Variants in KHDRBS1 observed in about 807,000 individuals in gnomAD.
The protein encoded by KHDRBS1 is KH domain-containing, RNA-binding, signal transduction-associated protein 1.
Under a neutral mutation model 48.4 loss-of-function variants are expected in KHDRBS1, and 7 were observed. That is an observed-to-expected ratio of 0.14 (90% CI 0.08 to 0.27). The LOEUF (loss-of-function observed/expected upper bound fraction) is 0.27. Among genes scored for constraint, KHDRBS1 ranks in the 10% least tolerant of loss-of-function variants. The pLI, the probability that KHDRBS1 is intolerant of heterozygous loss-of-function variation, is 1.00. For synonymous variants in KHDRBS1, 241 were observed against 235.8 expected (o/e 1.02, Z -0.20); for missense variants, 458 against 601.2 (o/e 0.76, Z 2.49).
chr1:32,023,687 T>C (rs1008182938), intron 1 of KHDRBS1, among the ~76,000 whole-genome samples: 7 of 152,198 alleles, frequency 4.6e-5, no homozygotes, highest in Admixed American at 3.3e-4. Context: ...TGATTTTTTG[T>C]CTTCCCATTT....
intron 10 of KHDRBS1, chr1:32,052,440 C>G (rs1490562745): frequency 6.6e-6 from 1 of 151,310 alleles, no homozygotes; most frequent in Non-Finnish European, 1.5e-5. Context: ...CTCTGTCGCC[C>G]GGGCTGGATT....
At position 32,029,303 on chromosome 1, in the gene KHDRBS1, A is replaced by G. The variant is rs563934735; in HGVS notation, c.383-995A>G. 1.1e-3 allele frequency among the ~76,000 whole-genome samples: 169 copies of G among 152,338 alleles called. No individual in the cohort carries two copies. The Middle Eastern group carries it at 0.02, about 18-fold the overall frequency. ...TACTTATCTCCACACTCATCATTGT[A>G]TACATTAATTATGTATAACTTTTTA... On this transcript the variant is annotated intron_variant, in intron 1 of 8. Transcript: ENST00000327300.
chr1:32,022,646 T>G (rs1638882664), intron 1 of KHDRBS1, among the ~76,000 whole-genome samples: 1 of 152,018 alleles, frequency 6.6e-6, no homozygotes, highest in African/African-American at 2.4e-5. Context: ...ATCCCAACAC[T>G]TTGGGAGGCC....
chr1:32,026,770 T>A (rs1638979983), intron 1 of KHDRBS1, among the ~76,000 whole-genome samples: 1 of 152,180 alleles, frequency 6.6e-6, no homozygotes, highest in Non-Finnish European at 1.5e-5. Context: ...GCGACATAGA[T>A]AAAATGAAGT....
intron 1 of KHDRBS1, among the ~76,000 whole-genome samples, chr1:32,022,234 A>G (rs573785377): frequency 6.6e-6 from 1 of 150,402 alleles, no homozygotes; most frequent in Admixed American, 6.6e-5. Context: ...GATAGTCTCG[A>G]TCTCCTGCCC....
chr1:32,053,196 A>G (rs1461680246), intron 10 of KHDRBS1, among the ~76,000 whole-genome samples: 1 of 152,130 alleles, frequency 6.6e-6, no homozygotes. Flanking sequence ...AATAGTTGCA[A>G]TAGTGTATCA....
intron 4 of KHDRBS1, among the ~76,000 whole-genome samples, chr1:32,035,902 G>C (rs1255924722): frequency 6.6e-6 from 1 of 152,132 alleles, no homozygotes; most frequent in Non-Finnish European, 1.5e-5. Context: ...TCAAGAGAAA[G>C]TTTTTCAAGA....
chr1:32,037,766 A>G lies in KHDRBS1; in HGVS notation c.906-69A>G, dbSNP rs1440058125. ...AAATCTGCCTAATTCCAGAATTTGT[A>G]AACAAATCAGAACATAAAAGTGGCC... On this transcript the variant is annotated intron_variant, in intron 5 of 8. Coordinates refer to ENST00000327300, the MANE Select transcript of KHDRBS1 (RefSeq NM_006559.3). 2.6e-6 allele frequency: 4 copies of G among 1,542,882 alleles called. No individual in the cohort carries two copies. The Admixed American group carries it at 6.9e-5, about 27-fold the overall frequency.
intron 1 of KHDRBS1, among the ~76,000 whole-genome samples, chr1:32,029,192 C>G (rs1639033590): frequency 6.6e-6 from 1 of 152,164 alleles, no homozygotes; most frequent in African/African-American, 2.4e-5. Flanking sequence ...TCTAATGAAA[C>G]TGTCTTAACC....
rs918176208 is a variant in KHDRBS1 at position 32,014,019 on chromosome 1, C to T, written c.24C>T (p.Ala8=). 2 of 1,525,854 alleles carry T rather than the reference C, an allele frequency of 1.3e-6. No individual in the cohort carries two copies. Among genetic ancestry groups the T allele is most frequent in the African/African-American group, 1.4e-5 (1 of 69,716 alleles). 94.5% of individuals were successfully genotyped at this position (1,525,854 alleles called of 1,614,324 possible). The part of the protein sequence containing the change: MQRRDDP[A]ARMSRSSGRS... ...AGATGCAGCGCCGGGACGACCCCGCCGCGCGCATGAGCCGGTCTTCGGGCC... is the reference window on the plus strand; with the variant it reads ...AGATGCAGCGCCGGGACGACCCCGCTGCGCGCATGAGCCGGTCTTCGGGCC... The change falls in exon 1 of 9, where the codon GCC becomes GCT. Residue 8 remains alanine, a synonymous_variant. Transcript: ENST00000327300.
chr1:32,027,841 G>A (rs1411863621), intron 1 of KHDRBS1, among the ~76,000 whole-genome samples: 3 of 152,128 alleles, frequency 2.0e-5, no homozygotes, highest in African/African-American at 7.2e-5. Context: ...AGGCCAGTAC[G>A]GTGGCTCACA....
At chr1:32,047,133 A>G (rs1569819092), downstream of KHDRBS1, among the ~76,000 whole-genome samples, 1 of 152,128 alleles carries the variant, frequency 6.6e-6, no homozygotes, top group East Asian at 1.9e-4. Context: ...TGTTTTCTGT[A>G]AAATTCTATC....
chr1:32,040,272 C>T (rs1406964332), intron 8 of KHDRBS1, among the ~76,000 whole-genome samples: 1 of 152,040 alleles, frequency 6.6e-6, no homozygotes, highest in African/African-American at 2.4e-5. Flanking sequence ...AAAAATTAGC[C>T]AGGTGTGGTG....
chr1:32,031,100 T>C lies in KHDRBS1; in HGVS notation c.508-424T>C, dbSNP rs539170435. 3.3e-5 allele frequency among the ~76,000 whole-genome samples: 5 copies of C among 152,054 alleles called. No individual in the cohort carries two copies. The South Asian group carries it at 1.0e-3, about 32-fold the overall frequency. ...CCCATCTCTACAAAAAATACAAAAA[T>C]TAGCCTGGTGTTGTGGTGTGCACCT... is the stretch of plus-strand genomic sequence containing the variant. On this transcript the variant is annotated intron_variant, in intron 2 of 8. Coordinates refer to ENST00000327300, the MANE Select transcript of KHDRBS1 (RefSeq NM_006559.3).
intron 10 of KHDRBS1, among the ~76,000 whole-genome samples, chr1:32,049,493 T>C (rs1639393100): frequency 6.6e-6 from 1 of 151,976 alleles, no homozygotes; most frequent in Admixed American, 6.6e-5. Flanking sequence ...TATTCATTGA[T>C]CCATTGACAG....
chr1:32,059,554 AGAAG>A (rs1639520526), intron 10 of KHDRBS1, among the ~76,000 whole-genome samples: 1 of 129,680 alleles, frequency 7.7e-6, no homozygotes, highest in Non-Finnish European at 1.7e-5. Flanking sequence ...AAAAAAAAAA[AGAAG>A]AAGAAGAAGA....
intron 4 of KHDRBS1, among the ~76,000 whole-genome samples, chr1:32,034,480 A>C (rs1639138139): frequency 6.6e-6 from 1 of 151,888 alleles, no homozygotes; most frequent in Non-Finnish European, 1.5e-5. Context: ...GAATCACTTG[A>C]ACCCAGGAGG....
intron 1 of KHDRBS1, among the ~76,000 whole-genome samples, chr1:32,028,165 G>T (rs2124372218): frequency 6.6e-6 from 1 of 152,226 alleles, no homozygotes; most frequent in South Asian, 2.1e-4. Context: ...TAGATTTGTG[G>T]AACGTGTTTG....
chr1:32,052,699 GTGGTTTCTT>G (rs1405181094), intron 10 of KHDRBS1: 1 of 152,090 alleles, frequency 6.6e-6, no homozygotes, highest in Non-Finnish European at 1.5e-5. Flanking sequence ...GCCCAGCCGA[GTGGTTTCTT>G]TTCACATCAA....
Sources: gnomAD v4.1 joint callset for allele counts (sites outside exome capture counted in the v4.1 genomes callset) on GRCh38, gnomAD v4.1.1 for gene constraint, MANE v1.5 for transcripts, NCBI Gene and HGNC (gene_info 2026-07-23, HGNC 2026-07-21) for gene names.